Variants in ANKS1B observed in about 807,000 individuals in gnomAD.
ANKS1B encodes the protein ankyrin repeat and sterile alpha motif domain-containing protein 1B.
A neutral mutation model predicts 148.3 loss-of-function variants in ANKS1B; 36 were observed. The observed-to-expected ratio is 0.24, with a 90% CI of 0.19 to 0.32. The LOEUF is 0.32. ANKS1B is among the 10% of genes least tolerant of loss of function. The probability of loss-of-function intolerance (pLI) is 1.00; values close to 1 mark genes in which losing one functional copy is unlikely to be tolerated. For synonymous variants in ANKS1B, 542 were observed against 560.8 expected, an observed-to-expected ratio of 0.97 and a Z score of 0.47; for missense variants, 1,157 against 1,542.6, an observed-to-expected ratio of 0.75 and a Z score of 4.19.
intron 8 of ANKS1B, among the ~76,000 whole-genome samples, chr12:99,697,003 G>T (rs368747917): frequency 9.2e-5 from 14 of 152,288 alleles, no homozygotes; most frequent in Non-Finnish European, 1.9e-4. Context: ...TGTCACTAGA[G>T]AACTGCAAAC....
chr12:99,740,330 A>AAACAAG (rs1198512984), intron 8 of ANKS1B, among the ~76,000 whole-genome samples: 1 of 151,968 alleles, frequency 6.6e-6, no homozygotes, highest in Non-Finnish European at 1.5e-5. Context: ...ACAAAAACAA[A>AAACAAG]AAACAAAAAA....
At chr12:99,338,795 G>T (rs2089419553) in intron 12 of ANKS1B, among the ~76,000 whole-genome samples, 1 of 152,164 alleles carries the variant, frequency 6.6e-6, no homozygotes, top group South Asian at 2.1e-4. Flanking sequence ...CCCTTCTGGT[G>T]CAGGGTATAT....
intron 12 of ANKS1B, among the ~76,000 whole-genome samples, chr12:99,356,630 C>G (rs924279895): frequency 1.3e-5 from 2 of 152,120 alleles, no homozygotes; most frequent in Non-Finnish European, 2.9e-5. Context: ...AACTTGATAA[C>G]TGGTACACCA....
intron 19 of ANKS1B, among the ~76,000 whole-genome samples, chr12:98,820,160 A>G (rs998767949): frequency 1.3e-5 from 2 of 152,242 alleles, no homozygotes; most frequent in Non-Finnish European, 2.9e-5. Context: ...CACGTCCGCT[A>G]GTTCCCAGTT....
At chr12:99,450,421 A>G (rs2095712785) in intron 10 of ANKS1B, among the ~76,000 whole-genome samples, 2 of 152,200 alleles carry the variant, frequency 1.3e-5, no homozygotes, top group Admixed American at 1.3e-4. Context: ...AAAATTAAAC[A>G]CAACAGGAAT....
chr12:99,325,831 C>T (rs2086203377), intron 12 of ANKS1B, among the ~76,000 whole-genome samples: 1 of 151,948 alleles, frequency 6.6e-6, no homozygotes, highest in Admixed American at 6.6e-5. Context: ...CAAAAGTGGA[C>T]CAGTGTATTA....
At chr12:99,361,570 C>T (rs1030310804) in intron 12 of ANKS1B, among the ~76,000 whole-genome samples, 1 of 152,172 alleles carries the variant, frequency 6.6e-6, no homozygotes, top group South Asian at 2.1e-4. Flanking sequence ...GTTCAGAGTA[C>T]AAACAGATGA....
At chr12:99,735,807 C>CAAAAAAAAAAAA in intron 8 of ANKS1B, among the ~76,000 whole-genome samples, 1 of 108,952 alleles carries the variant, frequency 9.2e-6, no homozygotes, top group Non-Finnish European at 1.9e-5. Flanking sequence ...GGACATATAC[C>CAAAAAAAAAAAA]AAAAAAAAAA....
At chr12:99,274,471 T>G (rs2077442661) in intron 12 of ANKS1B, among the ~76,000 whole-genome samples, 1 of 152,182 alleles carries the variant, frequency 6.6e-6, no homozygotes. Flanking sequence ...TTGCCAGACA[T>G]TCTGCCACCA....
intron 17 of ANKS1B, among the ~76,000 whole-genome samples, chr12:98,981,949 C>T (rs2099911558): frequency 6.6e-6 from 1 of 152,170 alleles, no homozygotes; most frequent in Non-Finnish European, 1.5e-5. Context: ...AATCATCAGT[C>T]ACCAACCATT....
At chr12:99,030,666 T>C (rs1440015252) in intron 17 of ANKS1B, among the ~76,000 whole-genome samples, 1 of 152,216 alleles carries the variant, frequency 6.6e-6, no homozygotes, top group African/African-American at 2.4e-5. Context: ...GTGGTTCTTA[T>C]TGAACTGTAC....
chr12:99,495,379 G>GTGTGTA, intron 10 of ANKS1B, among the ~76,000 whole-genome samples: 1 of 149,398 alleles, frequency 6.7e-6, no homozygotes, highest in African/African-American at 2.5e-5. Flanking sequence ...GTGTGTGTGT[G>GTGTGTA]TAGTTTATAA....
rs138729182 is a variant in ANKS1B at position 99,780,133 on chromosome 12, G to GCA, written c.746-163_746-162dup. ...CACACACACATACACACACACATGC[G>GCA]CACACACACACACACTCACACAAGA... On this transcript the variant is annotated intron_variant, in intron 5 of 26. Coordinates refer to ENST00000683438, the MANE Select transcript of ANKS1B (RefSeq NM_001352186.2). Among the ~76,000 whole-genome samples the GCA allele has an allele frequency of 2.3e-4, 35 of 150,986 alleles. No homozygotes were observed. In the East Asian group the frequency reaches 2.9e-3, roughly 13 times the overall value.
intron 8 of ANKS1B, among the ~76,000 whole-genome samples, chr12:99,715,165 C>G (rs1418189977): frequency 6.6e-6 from 1 of 151,966 alleles, no homozygotes; most frequent in Admixed American, 6.6e-5. Context: ...TAAAAAGCTA[C>G]AAATGATTAA....
chr12:99,047,052 A>G (rs56950635), intron 17 of ANKS1B, among the ~76,000 whole-genome samples: 2,640 of 152,234 alleles, frequency 0.017, 71 homozygotes, highest in African/African-American at 0.061. Context: ...TAAATGACCT[A>G]ATACTGATGT....
chr12:99,726,853 G>A (rs2058668990), intron 8 of ANKS1B, among the ~76,000 whole-genome samples: 1 of 152,046 alleles, frequency 6.6e-6, no homozygotes, highest in Non-Finnish European at 1.5e-5. Flanking sequence ...ATCAATACAT[G>A]TACTCCATCA....
intron 12 of ANKS1B, among the ~76,000 whole-genome samples, chr12:99,317,897 GC>G (rs1566879446): frequency 1.3e-5 from 2 of 152,156 alleles, no homozygotes; most frequent in Admixed American, 6.5e-5. Context: ...TTTGTCAAAG[GC>G]CTTTTCTGCA....
chr12:99,105,431 T>G (rs7966393), intron 15 of ANKS1B, among the ~76,000 whole-genome samples: 13,235 of 152,120 alleles, frequency 0.087, 1,416 homozygotes, highest in African/African-American at 0.25. Flanking sequence ...TCAGAAAGTC[T>G]TAGGAGTTGT....
chr12:99,028,393 G>C (rs2099950030), intron 17 of ANKS1B, among the ~76,000 whole-genome samples: 2 of 152,164 alleles, frequency 1.3e-5, no homozygotes, highest in Admixed American at 1.3e-4. Flanking sequence ...AGTATGGGGA[G>C]ACATTGTAAC....
Sources: allele counts gnomAD v4.1 joint callset (sites outside exome capture counted in the v4.1 genomes callset), GRCh38; gene constraint gnomAD v4.1.1; transcripts MANE v1.5; gene names NCBI Gene and HGNC (gene_info 2026-07-23, HGNC 2026-07-21).